DOCK3: variants seen among roughly 807,000 people sequenced by gnomAD.
DOCK3 encodes dedicator of cytokinesis 3.
In DOCK3, 60 loss-of-function variants were observed where a neutral mutation model predicts 265.6. That is an observed-to-expected ratio of 0.23 (90% CI 0.18 to 0.28). The LOEUF is 0.28. Ranked by LOEUF, DOCK3 falls within the 10% of genes least tolerant of loss-of-function variation. The probability of loss-of-function intolerance (pLI) is 1.00; values close to 1 mark genes in which losing one functional copy is unlikely to be tolerated. For missense variants in DOCK3, 1,981 were observed against 2,594.3 expected, an observed-to-expected ratio of 0.76 and a Z score of 5.14; for synonymous variants, 881 against 938.0, an observed-to-expected ratio of 0.94 and a Z score of 1.11.
intron 5 of DOCK3, among the ~76,000 whole-genome samples, chr3:51,035,472 AG>A (rs1261465517): frequency 6.6e-6 from 1 of 152,098 alleles, no homozygotes; most frequent in East Asian, 1.9e-4. Context: ...TCATTTATTA[AG>A]GGCATATCAT....
At chr3:50,735,496 G>A (rs1036432164) in intron 1 of DOCK3, among the ~76,000 whole-genome samples, 7 of 152,064 alleles carry the variant, frequency 4.6e-5, no homozygotes, top group Middle Eastern at 3.4e-3. Context: ...GCACCACCAT[G>A]CCCTGCTAAT....
rs1230113182 is a variant in DOCK3, at chr3:51,017,587, A to G, written c.316-46861A>G. 1.3e-5 allele frequency among the ~76,000 whole-genome samples: 2 copies of G among 151,750 alleles called. 1 individual carries two copies. The highest frequency in any genetic ancestry group is 4.9e-5 in the African/African-American group (2 of 41,118). On this transcript the variant is annotated intron_variant, in intron 5 of 52. Coordinates refer to ENST00000266037, the MANE Select transcript of DOCK3 (RefSeq NM_004947.5). Reference sequence around the variant, plus strand: ...GTTGTTTGTTTCAAGAAAATTTTCAATTTCCTTCTTAACCTCTTCATTGAC... The same window carrying G: ...GTTGTTTGTTTCAAGAAAATTTTCAGTTTCCTTCTTAACCTCTTCATTGAC...
At chr3:51,296,328 A>T (rs890183218) in intron 27 of DOCK3, among the ~76,000 whole-genome samples, 1 of 152,208 alleles carries the variant, frequency 6.6e-6, no homozygotes, top group African/African-American at 2.4e-5. Flanking sequence ...CAGCCAAAAC[A>T]ACCTGGAAAA....
intron 1 of DOCK3, among the ~76,000 whole-genome samples, chr3:50,698,667 G>C (rs964077279): frequency 6.0e-5 from 9 of 150,926 alleles, no homozygotes; most frequent in Non-Finnish European, 1.3e-4. Context: ...TGTGCACAAG[G>C]GTTCCAGTTT....
At chr3:51,318,316 T>C (rs2083483988) in intron 32 of DOCK3, among the ~76,000 whole-genome samples, 1 of 152,110 alleles carries the variant, frequency 6.6e-6, no homozygotes, top group African/African-American at 2.4e-5. Flanking sequence ...GAAAGGGAGA[T>C]TGCAGTGATC....
At chr3:50,937,456 C>A (rs566094777) in intron 5 of DOCK3, among the ~76,000 whole-genome samples, 17 of 152,088 alleles carry the variant, frequency 1.1e-4, no homozygotes, top group Middle Eastern at 3.4e-3. Flanking sequence ...AGATTGAGAC[C>A]ATCCTAGCTA....
intron 9 of DOCK3, among the ~76,000 whole-genome samples, chr3:51,139,258 G>T (rs527539741): frequency 5.3e-5 from 8 of 150,244 alleles, no homozygotes; most frequent in Admixed American, 6.6e-5. Flanking sequence ...CTGCAGTGGG[G>T]GGAGGGCTAA....
chr3:51,302,872 T>C (rs1475173654), intron 27 of DOCK3, among the ~76,000 whole-genome samples: 1 of 152,190 alleles, frequency 6.6e-6, no homozygotes, highest in East Asian at 1.9e-4. Context: ...CATTTCAACC[T>C]TGGAGAATCT....
intron 26 of DOCK3, among the ~76,000 whole-genome samples, chr3:51,278,943 A>C (rs915560558): frequency 6.6e-6 from 1 of 152,148 alleles, no homozygotes; most frequent in Non-Finnish European, 1.5e-5. Flanking sequence ...TATATTTTGC[A>C]CACATGTATT....
intron 1 of DOCK3, among the ~76,000 whole-genome samples, chr3:50,754,020 G>T (rs890914633): frequency 6.6e-6 from 1 of 151,978 alleles, no homozygotes; most frequent in East Asian, 1.9e-4. Context: ...GCTGGGCGTG[G>T]TGTCACGCGC....
chr3:50,764,196 A>C (rs1329723043), intron 1 of DOCK3, among the ~76,000 whole-genome samples: 1 of 152,154 alleles, frequency 6.6e-6, no homozygotes, highest in Admixed American at 6.6e-5. Flanking sequence ...CTGTATGCTA[A>C]CATGTATTCT....
At position 51,311,932 on chromosome 3, in the gene DOCK3, C is replaced by A. The variant is rs551979819; in HGVS notation, c.3018-72C>A. The A allele has an allele frequency of 2.5e-6, 3 of 1,184,844 alleles. No homozygotes were observed. The Admixed American group carries it at 6.5e-5, about 26-fold the overall frequency. The allele number at this position is 1,184,844 out of a possible 1,614,324, so 73.4% of individuals were successfully genotyped here. A position where few individuals can be genotyped will look rare whatever the true frequency, so the allele number is the denominator to read the frequency against. ...AAGAAGTTTGCACACAGGCTATAGA[C>A]AGCTGATACCAAGCCATCAGATGCC... On this transcript the variant is annotated intron_variant, in intron 28 of 52. Transcript: ENST00000266037.
At chr3:50,951,835 G>A (rs144035611) in intron 5 of DOCK3, among the ~76,000 whole-genome samples, 88 of 152,094 alleles carry the variant, frequency 5.8e-4, no homozygotes, top group East Asian at 1.9e-3. Context: ...TCATGATGGC[G>A]TAATGCACTT....
intron 13 of DOCK3, among the ~76,000 whole-genome samples, chr3:51,210,236 C>G (rs569614408): frequency 6.6e-6 from 1 of 152,246 alleles, no homozygotes; most frequent in Admixed American, 6.5e-5. Flanking sequence ...TTGTCTTGCT[C>G]CCCAGAGCGA....
chr3:51,195,612 G>A (rs1026576874), intron 12 of DOCK3, among the ~76,000 whole-genome samples: 2 of 151,834 alleles, frequency 1.3e-5, no homozygotes, highest in Non-Finnish European at 2.9e-5. Context: ...GAGACGGGAT[G>A]TCACCATGTT....
rs1221406457 is a variant in DOCK3 at position 50,675,322 on chromosome 3, C to T, written c.37+22C>T. On this transcript the variant is annotated intron_variant, in intron 1 of 52. Coordinates refer to ENST00000266037, the MANE Select transcript of DOCK3 (RefSeq NM_004947.5). The surrounding 1 kb of genome is among the most constrained non-coding windows in gnomAD (Gnocchi z 6.1). The stretch of plus-strand genomic sequence containing the variant: ...GTAGGTAGGTGAGGCTCAGGCCTGG[C>T]CGTGGCGGGGGTTCTGGGGGACGCG... 4.0e-6 allele frequency: 5 copies of T among 1,247,888 alleles called. No individual in the cohort carries two copies. Among genetic ancestry groups the T allele is most frequent in the Admixed American group, 3.6e-5 (1 of 27,482 alleles). The allele number at this position is 1,247,888 out of a possible 1,614,324, so 77.3% of individuals were successfully genotyped here.
At chr3:50,917,631 T>C (rs1359357879) in intron 4 of DOCK3, among the ~76,000 whole-genome samples, 4 of 152,084 alleles carry the variant, frequency 2.6e-5, no homozygotes, top group African/African-American at 9.7e-5. Context: ...TTTTCTGCTT[T>C]GACTTTATAA....
In DOCK3 at chr3:51,075,259, G is replaced by A. The variant is rs141362459; in HGVS notation, c.465-97G>A. 329 of 943,296 alleles carry A rather than the reference G, an allele frequency of 3.5e-4. 6 individuals carry two copies. In the Middle Eastern group the frequency reaches 8.8e-3, roughly 25 times the overall value. The allele number at this position is 943,296 out of a possible 1,614,324, so 58.4% of individuals were successfully genotyped here. The stretch of plus-strand genomic sequence containing the variant: ...CTGCTAGGACAGTGTCTGATCCTCT[G>A]TCCACAAGATGTGGCAGGTATGGGT... On this transcript the variant is annotated intron_variant, in intron 6 of 52. Coordinates refer to ENST00000266037, the MANE Select transcript of DOCK3 (RefSeq NM_004947.5).
intron 1 of DOCK3, among the ~76,000 whole-genome samples, chr3:50,711,894 C>T (rs2036796371): frequency 6.6e-6 from 1 of 152,088 alleles, no homozygotes; most frequent in African/African-American, 2.4e-5. Flanking sequence ...TTTTCTATTT[C>T]TTCAGTAATT....
Sources: gnomAD v4.1 joint callset for allele counts (sites outside exome capture counted in the v4.1 genomes callset) on GRCh38, gnomAD v4.1.1 for gene constraint, Gnocchi (gnomAD v3.1) non-coding constraint, MANE v1.5 for transcripts, NCBI Gene and HGNC (gene_info 2026-07-23, HGNC 2026-07-21) for gene names.